The following GABRB1 variants were observed in gnomAD, a reference collection of about 807,000 sequenced individuals.
GABRB1 encodes gamma-aminobutyric acid type A receptor subunit beta1, also known as gamma-aminobutyric acid receptor subunit beta-1.
In GABRB1, 17 loss-of-function variants were observed where a neutral mutation model predicts 51.6. The ratio of observed to expected loss-of-function variants is 0.33; its 90% CI spans 0.23 to 0.49. The LOEUF is 0.49. Ranked by LOEUF, GABRB1 falls within the 20% of genes least tolerant of loss-of-function variation. The pLI is 0.99. For missense variants in GABRB1, 410 were observed against 600.6 expected (o/e 0.68, Z 3.32); for synonymous variants, 247 against 218.9 (o/e 1.13, Z -1.14).
intron 4 of GABRB1, among the ~76,000 whole-genome samples, chr4:47,317,658 A>G (rs1398388687): frequency 6.6e-6 from 1 of 151,950 alleles, no homozygotes; most frequent in Non-Finnish European, 1.5e-5. Context: ...TGTCCTAAGA[A>G]AGGCTTCAAA....
chr4:47,032,662 A>C, intron 3 of GABRB1, 178 bp downstream of exon 3: 1 of 723,442 alleles, frequency 1.4e-6, no homozygotes, highest in Non-Finnish European at 2.6e-6. Context: ...TAATTTCGAC[A>C]CACACGGGCT....
At chr4:47,362,604 A>G (rs981022591) in intron 5 of GABRB1, among the ~76,000 whole-genome samples, 5 of 152,178 alleles carry the variant, frequency 3.3e-5, no homozygotes, top group Non-Finnish European at 7.4e-5. Context: ...CCTGGTTATG[A>G]TTGTGGCACA....
At chr4:47,229,955 G>T (rs1721079480) in intron 4 of GABRB1, among the ~76,000 whole-genome samples, 1 of 152,128 alleles carries the variant, frequency 6.6e-6, no homozygotes, top group African/African-American at 2.4e-5. Flanking sequence ...TAAGCCACCA[G>T]ATTTGTGGTA....
At chr4:47,115,417 TTTC>T (rs932291652) in intron 3 of GABRB1, among the ~76,000 whole-genome samples, 37 of 152,248 alleles carry the variant, frequency 2.4e-4, no homozygotes, top group African/African-American at 7.7e-4. Flanking sequence ...TTCAAAATTT[TTTC>T]TTCTTTTTTG....
At chr4:47,087,854 G>C (rs947082905) in intron 3 of GABRB1, among the ~76,000 whole-genome samples, 4 of 152,118 alleles carry the variant, frequency 2.6e-5, no homozygotes, top group Admixed American at 2.0e-4. Flanking sequence ...ATGAGTATAT[G>C]TGTGTAAAGC....
intron 4 of GABRB1, among the ~76,000 whole-genome samples, chr4:47,185,806 A>T (rs1447312568): frequency 1.3e-5 from 2 of 151,782 alleles, no homozygotes; most frequent in African/African-American, 2.4e-5. Context: ...AACCTTTTTT[A>T]AAAAAATTTA....
At chr4:47,080,503 A>C (rs1182528445) in intron 3 of GABRB1, among the ~76,000 whole-genome samples, 1 of 152,226 alleles carries the variant, frequency 6.6e-6, no homozygotes, top group Non-Finnish European at 1.5e-5. Flanking sequence ...TATTTTGACA[A>C]ATGAACACAT....
intron 4 of GABRB1, among the ~76,000 whole-genome samples, chr4:47,242,500 G>C (rs1427125805): frequency 1.3e-5 from 2 of 152,130 alleles, no homozygotes; most frequent in African/African-American, 2.4e-5. Context: ...TACAGTCCCA[G>C]CAACAGTGTA....
intron 3 of GABRB1, among the ~76,000 whole-genome samples, chr4:47,061,567 GA>G (rs1726845353): frequency 6.6e-6 from 1 of 152,106 alleles, no homozygotes; most frequent in South Asian, 2.1e-4. Context: ...TAACTTAGCA[GA>G]TTCTCTGTGG....
At chr4:47,246,299 T>TATATATATATATATATATAC (rs1329276891) in intron 4 of GABRB1, among the ~76,000 whole-genome samples, 1 of 84,170 alleles carries the variant, frequency 1.2e-5, no homozygotes, top group African/African-American at 4.7e-5. Flanking sequence ...TATATATATA[T>TATATATATATATATATATAC]ACACACACAC....
chr4:47,079,802 A>T (rs1345301353), intron 3 of GABRB1, among the ~76,000 whole-genome samples: 1 of 138,650 alleles, frequency 7.2e-6, no homozygotes, highest in Non-Finnish European at 1.5e-5. Flanking sequence ...GAACAATGAG[A>T]ACACATGGAC....
chr4:47,079,051 A>C (rs778403340), intron 3 of GABRB1, among the ~76,000 whole-genome samples: 74 of 152,202 alleles, frequency 4.9e-4, no homozygotes, highest in Non-Finnish European at 5.0e-4. Context: ...GATGTTCATC[A>C]GGGATATTGG....
intron 5 of GABRB1, among the ~76,000 whole-genome samples, chr4:47,330,878 A>C (rs1725455811): frequency 6.6e-6 from 1 of 152,174 alleles, no homozygotes; most frequent in South Asian, 2.1e-4. Context: ...ATATAGGACA[A>C]TTACAAGCAA....
intron 4 of GABRB1, among the ~76,000 whole-genome samples, chr4:47,261,287 T>A (rs1437212704): frequency 2.0e-5 from 3 of 152,152 alleles, no homozygotes; most frequent in African/African-American, 4.8e-5. Context: ...TGATTGTATA[T>A]CTAGAAAACC....
At chr4:47,170,934 C>T (rs1363873146) in intron 4 of GABRB1, among the ~76,000 whole-genome samples, 2 of 152,124 alleles carry the variant, frequency 1.3e-5, no homozygotes, top group Non-Finnish European at 2.9e-5. Flanking sequence ...AGTGAAAGAA[C>T]TGCAATTTTT....
chr4:47,129,344 G>A (rs532596433), intron 3 of GABRB1, among the ~76,000 whole-genome samples: 12 of 152,116 alleles, frequency 7.9e-5, no homozygotes, highest in African/African-American at 2.4e-4. Context: ...AAATGTCCCC[G>A]CCTACAAATA....
chr4:47,005,403 G>A lies in GABRB1; in HGVS notation c.-20+11477G>A, dbSNP rs180898764. Among the ~76,000 whole-genome samples, 19 of 152,210 alleles carry A rather than the reference G, an allele frequency of 1.2e-4. No individual in the cohort carries two copies. The East Asian group carries it at 1.7e-3, about 14-fold the overall frequency. ...ATCGCACTCCAGCATGGGCGACAGA[G>A]TGGGACTCCGTCTCAAACAAACAAA... is the stretch of plus-strand genomic sequence containing the variant. On this transcript the variant is annotated intron_variant, in intron 1 of 3. Transcript: ENST00000513567.
intron 4 of GABRB1, among the ~76,000 whole-genome samples, chr4:47,229,093 T>A (rs1721050385): frequency 6.6e-6 from 1 of 152,154 alleles, no homozygotes; most frequent in African/African-American, 2.4e-5. Context: ...TAGTAAATGG[T>A]CTGCCTGACT....
At position 47,425,887 on chromosome 4, in the gene GABRB1, C is replaced by T; in HGVS notation, c.1294C>T (p.Arg432Cys). The change falls in exon 9 of 9, where the codon CGT becomes TGT. Residue 432 changes from arginine (R) to cysteine (C), a missense_variant. Around this residue, in one of 5 missense-constraint regions of GABRB1, gnomAD observed 181 missense variants for 195.6 expected, o/e 0.93. Coordinates refer to ENST00000295454, the MANE Select transcript of GABRB1 (RefSeq NM_000812.4). Reference protein sequence around the residue: ...GVPSKGRIRRRASQLKVKIPD... With the variant: ...GVPSKGRIRRCASQLKVKIPD... The stretch of plus-strand genomic sequence containing the variant: ...ACCCAGCAAGGGGCGCATCCGCAGG[C>T]GTGCCTCCCAGCTCAAAGTCAAGAT... 6.2e-7 allele frequency: 1 copy of T among 1,614,186 alleles called. No individual in the cohort carries two copies. The highest frequency in any genetic ancestry group is 8.5e-7 in the Non-Finnish European group (1 of 1,180,030).
Sources: gnomAD v4.1 joint callset for allele counts (sites outside exome capture counted in the v4.1 genomes callset) on GRCh38, gnomAD v4.1.1 for gene constraint, gnomAD v4.1.1 regional missense constraint, MANE v1.5 for transcripts, NCBI Gene and HGNC (gene_info 2026-07-23, HGNC 2026-07-21) for gene names.